Variants in NHS observed in about 807,000 individuals in gnomAD.
NHS encodes the protein NHS actin remodeling regulator, also known as actin remodeling regulator NHS.
NHS carries 5 observed loss-of-function variants against 72.5 expected under a neutral mutation model. The observed-to-expected ratio is 0.07, with a 90% CI of 0.04 to 0.14. The LOEUF is 0.14. Ranked by LOEUF, NHS falls within the 10% of genes least tolerant of loss-of-function variation. The pLI, the probability that NHS is intolerant of heterozygous loss-of-function variation, is 1.00. For missense variants in NHS, 1,072 were observed against 1,355.7 expected (o/e 0.79, Z 3.29); for synonymous variants, 464 against 547.7 (o/e 0.85, Z 2.13).
intron 1 of NHS, among the ~76,000 whole-genome samples, chrX:17,411,726 T>C (rs1403331526): frequency 8.9e-6 from 1 of 112,076 alleles, no homozygotes; most frequent in Non-Finnish European, 1.9e-5. Flanking sequence ...CCTTGAAATA[T>C]ATCCAGGTAG....
Position 17,726,276 on chromosome X carries a change from A to G in NHS, c.2170A>G (p.Asn724Asp), listed in dbSNP as rs1275074220. The G allele has an allele frequency of 8.3e-7, 1 of 1,211,906 alleles. No homozygotes were observed. ...NNSNTSDSEW[N>D]YLHHHHDASC... ...CAGCAACACAAGTGACAGTGAGTGGAATTACCTACACCACCACCATGATGC... is the reference window on the plus strand; with the variant it reads ...CAGCAACACAAGTGACAGTGAGTGGGATTACCTACACCACCACCATGATGC... The change falls in exon 7 of 9, where the codon AAT becomes GAT. Residue 724 changes from asparagine to aspartate, a missense_variant. Asn to Asp is a conservative substitution (Grantham distance 23). Transcript: ENST00000676302.
At chrX:17,387,377 T>C (rs1284891295) in intron 1 of NHS, among the ~76,000 whole-genome samples, 1 of 111,867 alleles carries the variant, frequency 8.9e-6, no homozygotes, top group Non-Finnish European at 1.9e-5. Flanking sequence ...AATTTTCTTA[T>C]ATATAATGGG....
At chrX:17,501,544 G>A (rs1023392071) in intron 1 of NHS, among the ~76,000 whole-genome samples, 1 of 111,631 alleles carries the variant, frequency 9.0e-6, no homozygotes, top group Non-Finnish European at 1.9e-5. Flanking sequence ...AGACCAGCCT[G>A]AGCAACATGG....
intron 3 of NHS, 71 bp downstream of exon 3, chrX:17,692,539 T>G (rs2066203685): frequency 7.7e-6 from 9 of 1,171,993 alleles, no homozygotes; most frequent in Non-Finnish European, 1.0e-5. Context: ...GGAGTCAGTT[T>G]CCTGCCTCCC....
At chrX:17,468,133 A>G (rs1201705257) in intron 1 of NHS, among the ~76,000 whole-genome samples, 1 of 111,699 alleles carries the variant, frequency 9.0e-6, no homozygotes, top group Non-Finnish European at 1.9e-5. Flanking sequence ...TAGACATGAC[A>G]TGTAATTCTT....
chrX:17,553,404 G>C (rs189128971), intron 1 of NHS, among the ~76,000 whole-genome samples: 2 of 112,613 alleles, frequency 1.8e-5, no homozygotes, highest in African/African-American at 6.5e-5. Context: ...GCATGAATGG[G>C]TTTTGGATTA....
chrX:17,387,754 T>G (rs2064418027), intron 1 of NHS, among the ~76,000 whole-genome samples: 1 of 112,615 alleles, frequency 8.9e-6, no homozygotes, highest in Admixed American at 9.4e-5. Flanking sequence ...TCTGGACAAT[T>G]TATTGAATTT....
chrX:17,578,388 A>G (rs971806144), intron 1 of NHS, among the ~76,000 whole-genome samples: 3 of 112,285 alleles, frequency 2.7e-5, no homozygotes, highest in Non-Finnish European at 5.6e-5. Flanking sequence ...GCATCCCAGC[A>G]TTGGGTTAGT....
rs2064922579 is a variant in NHS at position 17,477,042 on chromosome X, G to C, written c.565+100720G>C. Among the ~76,000 whole-genome samples the C allele has an allele frequency of 1.8e-5, 2 of 112,335 alleles. 1 individual carries two copies. The highest frequency in any genetic ancestry group is 7.3e-4 in the South Asian group (2 of 2,722). The stretch of plus-strand genomic sequence containing the variant: ...TGTTCCTGGCACTGTTGTAAGTGTT[G>C]AGGATACAACAATAAACAAAACACA... On this transcript the variant is annotated intron_variant, in intron 1 of 8. Coordinates refer to ENST00000676302, the MANE Select transcript of NHS (RefSeq NM_001291867.2).
At chrX:17,390,279 T>C (rs2064437062) in intron 1 of NHS, among the ~76,000 whole-genome samples, 1 of 112,595 alleles carries the variant, frequency 8.9e-6, no homozygotes, top group Non-Finnish European at 1.9e-5. Context: ...CCAGTCTACA[T>C]CTGGACTCTG....
chrX:17,618,210 G>T (rs2147061488), intron 1 of NHS, among the ~76,000 whole-genome samples: 1 of 112,073 alleles, frequency 8.9e-6, no homozygotes, highest in East Asian at 2.8e-4. Context: ...TTTAGGGATT[G>T]ATGATATATA....
intron 1 of NHS, among the ~76,000 whole-genome samples, chrX:17,407,460 G>A (rs1201979593): frequency 9.0e-6 from 1 of 111,214 alleles, no homozygotes; most frequent in Non-Finnish European, 1.9e-5. Context: ...TTATGATCTG[G>A]CTTTAGGTCT....
intron 1 of NHS, among the ~76,000 whole-genome samples, chrX:17,670,662 C>T (rs2066039022): frequency 1.8e-5 from 2 of 112,400 alleles, no homozygotes; most frequent in Admixed American, 1.9e-4. Context: ...ATGCTTGTGT[C>T]TGGAGTTGAA....
At chrX:17,509,260 T>C (rs1403021782) in intron 1 of NHS, among the ~76,000 whole-genome samples, 1 of 110,522 alleles carries the variant, frequency 9.0e-6, no homozygotes, top group Non-Finnish European at 1.9e-5. Context: ...AGAGTCTTAC[T>C]CTGTTGCCCA....
intron 3 of NHS, among the ~76,000 whole-genome samples, chrX:17,697,984 A>C (rs2066241320): frequency 9.0e-6 from 1 of 111,589 alleles, no homozygotes; most frequent in South Asian, 3.7e-4. Flanking sequence ...TTATATAAAC[A>C]GAGAAGACAA....
At chrX:17,604,189 G>A (rs1205992448) in intron 1 of NHS, among the ~76,000 whole-genome samples, 1 of 107,662 alleles carries the variant, frequency 9.3e-6, no homozygotes, top group African/African-American at 3.4e-5. Flanking sequence ...TTAATAAAGT[G>A]TCTCCCAAAC....
At chrX:17,651,823 C>A (rs1348216219) in intron 1 of NHS, among the ~76,000 whole-genome samples, 8 of 112,536 alleles carry the variant, frequency 7.1e-5, no homozygotes, top group Non-Finnish European at 1.3e-4. Flanking sequence ...ATGCTCAGAA[C>A]AATAAGGGGC....
intron 3 of NHS, among the ~76,000 whole-genome samples, chrX:17,718,998 G>A (rs1222054919): frequency 3.3e-5 from 3 of 90,795 alleles, no homozygotes; most frequent in Non-Finnish European, 6.4e-5. Context: ...GAAGGAAGAA[G>A]GAATGGAAGA....
chrX:17,473,447 A>G (rs768063990), intron 1 of NHS, among the ~76,000 whole-genome samples: 1 of 112,825 alleles, frequency 8.9e-6, no homozygotes, highest in Non-Finnish European at 1.9e-5. Context: ...AGCTGTAAGC[A>G]CTTGAAATGT....
Sources: gnomAD v4.1 joint callset for allele counts (sites outside exome capture counted in the v4.1 genomes callset) on GRCh38, gnomAD v4.1.1 for gene constraint, MANE v1.5 for transcripts, NCBI Gene and HGNC (gene_info 2026-07-23, HGNC 2026-07-21) for gene names.